The following CBLIF variants were observed in gnomAD, a reference collection of about 807,000 sequenced individuals.
CBLIF encodes the protein gastric intrinsic factor (vitamin B synthesis).
A neutral mutation model predicts 44.9 loss-of-function variants in CBLIF; 24 were observed. The observed-to-expected ratio is 0.53, with a 90% confidence interval of 0.39 to 0.75. The LOEUF (loss-of-function observed/expected upper bound fraction) is 0.75, where lower values mean the gene tolerates loss of function less well. Ranked by LOEUF, CBLIF falls within the 30% of genes least tolerant of loss-of-function variation. The pLI, the probability that CBLIF is intolerant of heterozygous loss-of-function variation, is 0.00. For missense variants in CBLIF, 481 were observed against 513.0 expected, an observed-to-expected ratio of 0.94 and a Z score of 0.60; for synonymous variants, 183 against 190.9, an observed-to-expected ratio of 0.96 and a Z score of 0.34.
chr11:59,835,087 T>C (rs372981609), intron 7 of CBLIF, among the ~76,000 whole-genome samples: 15 of 152,200 alleles, frequency 9.9e-5, no homozygotes, highest in African/African-American at 3.4e-4. Flanking sequence ...GGCCTATTCA[T>C]TGGCCCCAAA....
At position 59,842,540 on chromosome 11, in the gene CBLIF, C is replaced by T. The variant is rs1376809666; in HGVS notation, c.414G>A (p.Ala138=). The change falls in exon 4 of 9, where the codon GCG becomes GCA. Residue 138 remains alanine, a synonymous_variant. Transcript: ENST00000257248. ...AGTTCTTCTGGCACAGTGCCAAGAT[C>T]GCTAGACTGGGCCCATAGAAGGCTG... ...EASAFYGPSL[A]ILALCQKNSE... 4 of 1,613,780 alleles carry T rather than the reference C, an allele frequency of 2.5e-6. No individual in the cohort carries two copies. The highest frequency in any genetic ancestry group is 1.7e-4 in the Middle Eastern group (1 of 5,948).
chr11:59,842,960 T>G, intron 3 of CBLIF, 68 bp downstream of exon 3: 1 of 1,000,534 alleles, frequency 1.0e-6, no homozygotes. Flanking sequence ...CCCTTTTCCT[T>G]TCTGGGTTTA....
At position 59,829,594 on chromosome 11, in the gene CBLIF, A is replaced by G. The variant is rs777266075; in HGVS notation, c.1193-49T>C. The G allele has an allele frequency of 1.9e-5, 22 of 1,137,710 alleles. No individual in the cohort carries two copies. The Middle Eastern group carries it at 5.8e-4, about 30-fold the overall frequency. 70.5% of individuals were successfully genotyped at this position (1,137,710 alleles called of 1,614,324 possible). A position where few individuals can be genotyped will look rare whatever the true frequency, so the allele number is the denominator to read the frequency against. On this transcript the variant is annotated intron_variant, in intron 8 of 8. Transcript: ENST00000257248. Reference sequence around the variant, plus strand: ...TGAGGTGACTGTGGTGCATGTAACCACCTCCATCCCCCAAGGGATGCAGTG... The same window carrying G: ...TGAGGTGACTGTGGTGCATGTAACCGCCTCCATCCCCCAAGGGATGCAGTG...
chr11:59,829,362 GT>G lies in CBLIF; in HGVS notation c.*121del. ...TTTATTCTACATAGTGGTTCTCCAT[GT>G]TTTTACCAGGAATATGGTAGCATCA... On this transcript the variant is annotated 3_prime_UTR_variant, in exon 9 of 9. Transcript: ENST00000257248. 2 of 715,282 alleles carry G rather than the reference GT, an allele frequency of 2.8e-6. No homozygotes were observed. The highest frequency in any genetic ancestry group is 2.0e-5 in the Admixed American group (1 of 50,058). The allele number at this position is 715,282 out of a possible 1,614,324, so 44.3% of individuals were successfully genotyped here.
intron 5 of CBLIF, among the ~76,000 whole-genome samples, chr11:59,839,925 A>G (rs1285012695): frequency 6.6e-6 from 1 of 152,056 alleles, no homozygotes; most frequent in African/African-American, 2.4e-5. Flanking sequence ...CATCTTTTAT[A>G]TCTCTTCCAG....
chr11:59,834,851 C>T (rs189707452), intron 7 of CBLIF, among the ~76,000 whole-genome samples: 2 of 152,312 alleles, frequency 1.3e-5, no homozygotes, highest in Non-Finnish European at 2.9e-5. Context: ...CCATCACTCA[C>T]AGAGCCTTGG....
chr11:59,841,577 CAACCAG>C (rs1866529813), intron 4 of CBLIF, among the ~76,000 whole-genome samples: 1 of 152,156 alleles, frequency 6.6e-6, no homozygotes, highest in South Asian at 2.1e-4. Flanking sequence ...GTGTTACTGA[CAACCAG>C]AAGTAAATAA....
chr11:59,831,248 C>T (rs1262982243), intron 8 of CBLIF, among the ~76,000 whole-genome samples: 1 of 152,158 alleles, frequency 6.6e-6, no homozygotes, highest in African/African-American at 2.4e-5. Flanking sequence ...TGCAGGCATT[C>T]CTCTCTCTGG....
Position 59,845,165 on chromosome 11 carries a change from A to G in CBLIF, c.79+210T>C, listed in dbSNP as rs76767445. 8.4e-3 allele frequency: 5,171 copies of G among 614,234 alleles called. 37 individuals are homozygous for G. Among genetic ancestry groups the G allele is most frequent in the Middle Eastern group, 0.015 (53 of 3,516 alleles). The allele number at this position is 614,234 out of a possible 1,614,324, so 38.0% of individuals were successfully genotyped here. On this transcript the variant is annotated intron_variant, in intron 1 of 8. Transcript: ENST00000257248. ...GGTGTGAGCCACTGCACCTGGCCCCATCTCTCTTAATAAAAAACATATAGA... is the reference window on the plus strand; with the variant it reads ...GGTGTGAGCCACTGCACCTGGCCCCGTCTCTCTTAATAAAAAACATATAGA...
intron 5 of CBLIF, among the ~76,000 whole-genome samples, chr11:59,840,054 G>T (rs1866504394): frequency 6.6e-6 from 1 of 151,950 alleles, no homozygotes; most frequent in Non-Finnish European, 1.5e-5. Flanking sequence ...CTGTGACATA[G>T]AAATGAACTC....
At position 59,829,412 on chromosome 11, in the gene CBLIF, A is replaced by G; in HGVS notation, c.*72T>C. On this transcript the variant is annotated 3_prime_UTR_variant, in exon 9 of 9. Coordinates refer to ENST00000257248, the MANE Select transcript of CBLIF (RefSeq NM_005142.3). ...CACAGGCATTCGCTTTTTTGCATAG[A>G]TTTAAAATGAAGTGGAAAAAATTTC... 2 of 944,792 alleles carry G rather than the reference A, an allele frequency of 2.1e-6. No homozygotes were observed. Among genetic ancestry groups the G allele is most frequent in the Non-Finnish European group, 3.5e-6 (2 of 570,618 alleles). The allele number at this position is 944,792 out of a possible 1,614,324, so 58.5% of individuals were successfully genotyped here.
chr11:59,840,942 C>G (rs1280449589), intron 5 of CBLIF: 1 of 580,070 alleles, frequency 1.7e-6, no homozygotes, highest in East Asian at 2.9e-5. Flanking sequence ...TGTTTTCACA[C>G]TTTACATAGG....
Position 59,843,864 on chromosome 11 carries a change from G to T in CBLIF, c.256+15C>A, listed in dbSNP as rs770364436. The T allele has an allele frequency of 2.5e-6, 4 of 1,601,308 alleles. No homozygotes were observed. The highest frequency in any genetic ancestry group is 3.4e-6 in the Non-Finnish European group (4 of 1,169,234). On this transcript the variant is annotated intron_variant, in intron 2 of 8. Coordinates refer to ENST00000257248, the MANE Select transcript of CBLIF (RefSeq NM_005142.3). ...GTGAGATTCAGGGAGAGTGCGAGCG[G>T]CTCAGATGTCTCACCGTTGTTGTCG... is the stretch of plus-strand genomic sequence containing the variant.
At chr11:59,839,734 C>T (rs1174722054) in intron 5 of CBLIF, among the ~76,000 whole-genome samples, 1 of 152,074 alleles carries the variant, frequency 6.6e-6, no homozygotes, top group African/African-American at 2.4e-5. Context: ...CAGGGTCCTG[C>T]CTTTTGATAG....
At chr11:59,832,492 A>C (rs1021952241) in intron 7 of CBLIF, among the ~76,000 whole-genome samples, 1 of 152,182 alleles carries the variant, frequency 6.6e-6, no homozygotes, top group South Asian at 2.1e-4. Context: ...TAAGTTTAAA[A>C]AAAAGAGAAA....
chr11:59,841,152 G>A lies in CBLIF; in HGVS notation c.684C>T (p.Leu228=), dbSNP rs373712844. Residue 228 remains leucine, a synonymous_variant, in exon 5 of 9, where the codon CTC becomes CTT. Coordinates refer to ENST00000257248, the MANE Select transcript of CBLIF (RefSeq NM_005142.3). ...GIIGDIYSTG[L]AMQALSVTPE... is the part of the protein sequence containing the mutation. The stretch of plus-strand genomic sequence containing the variant: ...TCCAGCACGTGTTTACCTGCATGGC[G>A]AGGCCAGTACTGTAGATGTCTCCAA... 9 of 1,612,354 alleles carry A rather than the reference G, an allele frequency of 5.6e-6. No homozygotes were observed. Among genetic ancestry groups the A allele is most frequent in the South Asian group, 3.3e-5 (3 of 91,060 alleles).
Position 59,842,529 on chromosome 11 carries a change from A to T in CBLIF, c.425T>A (p.Leu142Gln), listed in dbSNP as rs937388751. 1.9e-6 allele frequency: 3 copies of T among 1,614,002 alleles called. No individual in the cohort carries two copies. The highest frequency in any genetic ancestry group is 2.5e-6 in the Non-Finnish European group (3 of 1,180,000). Residue 142 changes from leucine to glutamine, a missense_variant, in exon 4 of 9, where the codon CTG (leucine) becomes CAG (glutamine). Leu to Gln is a moderately radical substitution (Grantham distance 113, BLOSUM62 -2). Transcript: ENST00000257248. ...GGTCGCCTCAGAGTTCTTCTGGCAC[A>T]GTGCCAAGATCGCTAGACTGGGCCC... The part of the protein sequence containing the change: ...FYGPSLAILA[L>Q]CQKNSEATLP...
At position 59,841,185 on chromosome 11, in the gene CBLIF, A is replaced by G; in HGVS notation, c.651T>C (p.Asn217=). The change falls in exon 5 of 9, where the codon AAT becomes AAC. Residue 217 remains asparagine (N), a synonymous_variant. Transcript: ENST00000257248. ...TACTGTAGATGTCTCCAATGATGCC[A>G]TTATCTTTGATCTTCATGCTGATTT... is the stretch of plus-strand genomic sequence containing the variant. ...VEKISMKIKD[N]GIIGDIYSTG... The G allele has an allele frequency of 6.2e-7, 1 of 1,613,674 alleles. No homozygotes were observed. Among genetic ancestry groups the G allele is most frequent in the Non-Finnish European group, 8.5e-7 (1 of 1,179,534 alleles).
At chr11:59,840,142 C>T (rs755747762) in intron 5 of CBLIF, among the ~76,000 whole-genome samples, 3 of 151,516 alleles carry the variant, frequency 2.0e-5, no homozygotes, top group Non-Finnish European at 4.4e-5. Flanking sequence ...TTAACATGAA[C>T]CAATTCTTAG....
Sources: gnomAD v4.1 joint callset for allele counts (sites outside exome capture counted in the v4.1 genomes callset) on GRCh38, gnomAD v4.1.1 for gene constraint, MANE v1.5 for transcripts, NCBI Gene and HGNC (gene_info 2026-07-23, HGNC 2026-07-21) for gene names.